Variants in TBCD observed in about 807,000 individuals in gnomAD.
The protein encoded by TBCD is tubulin folding cofactor D, also known as tubulin-specific chaperone D.
In TBCD, 105 loss-of-function variants were observed where a neutral mutation model predicts 169.3. The observed-to-expected ratio is 0.62, with a 90% confidence interval of 0.53 to 0.73. TBCD has a LOEUF of 0.73. Among genes scored for constraint, TBCD ranks in the 30% least tolerant of loss-of-function variants. The pLI is 0.00. For missense variants in TBCD, 1,444 were observed against 1,600.1 expected, an observed-to-expected ratio of 0.90 and a Z score of 1.66; for synonymous variants, 700 against 643.9, an observed-to-expected ratio of 1.09 and a Z score of -1.32.
chr17:82,832,593 T>G lies in TBCD; in HGVS notation c.1318+17659T>G. 1 of 779,418 alleles carries G rather than the reference T, an allele frequency of 1.3e-6. No homozygotes were observed. The highest frequency in any genetic ancestry group is 2.6e-5 in the East Asian group (1 of 37,830). 48.3% of individuals were successfully genotyped at this position (779,418 alleles called of 1,614,324 possible). Reference sequence around the variant, plus strand: ...ACTTCTATCAGAAGCCAGCTCTGCGTGCTGAGGGTCTGGCGAGAGCCTCCG... The same window carrying G: ...ACTTCTATCAGAAGCCAGCTCTGCGGGCTGAGGGTCTGGCGAGAGCCTCCG... On this transcript the variant is annotated intron_variant, in intron 13 of 38. Transcript: ENST00000355528. The surrounding 1 kb of genome is among the most constrained non-coding windows in gnomAD (Gnocchi z 4.9).
intron 8 of TBCD, among the ~76,000 whole-genome samples, chr17:82,798,488 G>C (rs557492271): frequency 1.2e-4 from 18 of 152,224 alleles, no homozygotes; most frequent in East Asian, 9.7e-4. Flanking sequence ...CACCATGTTG[G>C]CCAGGCTAGT....
chr17:82,755,646 A>G (rs1308755965), intron 1 of TBCD, among the ~76,000 whole-genome samples: 1 of 152,154 alleles, frequency 6.6e-6, no homozygotes, highest in Non-Finnish European at 1.5e-5. Context: ...CCTTAATATC[A>G]TGAGGCCTGA....
intron 26 of TBCD, 109 bp from the exon 27 acceptor site, chr17:82,924,830 C>T (rs1287650963): frequency 1.7e-5 from 14 of 827,356 alleles, no homozygotes; most frequent in Non-Finnish European, 2.4e-5. Context: ...CCTCAGGCGG[C>T]TCCTCCTTTG....
intron 13 of TBCD, among the ~76,000 whole-genome samples, chr17:82,853,576 C>CT (rs796846271): frequency 0.013 from 1,953 of 145,700 alleles, 17 homozygotes; most frequent in Non-Finnish European, 0.022. Flanking sequence ...CTCATTTTTT[C>CT]TTTTTTTTTT....
intron 13 of TBCD, among the ~76,000 whole-genome samples, chr17:82,816,534 C>A (rs1021497190): frequency 1.3e-5 from 2 of 151,784 alleles, no homozygotes; most frequent in African/African-American, 2.4e-5. Flanking sequence ...CCAACACTTG[C>A]TTTTATCTTT....
rs915631657 is a variant in TBCD, at chr17:82,874,781, GTGTGCCCT to G, written c.1475+4403_1475+4410del. On this transcript the variant is annotated intron_variant, in intron 14 of 38. Coordinates refer to ENST00000355528, the MANE Select transcript of TBCD (RefSeq NM_005993.5). The surrounding 1 kb of genome is among the most constrained non-coding windows in gnomAD (Gnocchi z 5.0). ...CCTGCGCACCCGGGTATCGGTTGGG[GTGTGCCCT>G]TCCAGATCTCCCTCCCTTGGTTTGT... is the stretch of plus-strand genomic sequence containing the variant. Among the ~76,000 whole-genome samples the G allele has an allele frequency of 2.0e-5, 3 of 152,224 alleles. No individual in the cohort carries two copies. Among genetic ancestry groups the G allele is most frequent in the Non-Finnish European group, 4.4e-5 (3 of 68,038 alleles).
In TBCD at chr17:82,922,398, G is replaced by A. The variant is rs925778012; in HGVS notation, c.2178+821G>A. 2.6e-5 allele frequency among the ~76,000 whole-genome samples: 4 copies of A among 151,854 alleles called. No homozygotes were observed. Among genetic ancestry groups the A allele is most frequent in the African/African-American group, 9.7e-5 (4 of 41,298 alleles). ...CAAAAACAAAAACAAAAAAAACCAT[G>A]GTTACCAACGTTGACTAGGTTTTGA... On this transcript the variant is annotated intron_variant, in intron 25 of 38. Transcript: ENST00000355528. This position sits in a 1 kb window ranked among gnomAD's most constrained non-coding sequence, Gnocchi z 4.1.
At chr17:82,759,181 A>T (rs1215735077) in intron 2 of TBCD, among the ~76,000 whole-genome samples, 1 of 151,996 alleles carries the variant, frequency 6.6e-6, no homozygotes. Flanking sequence ...TGCCTAGTTA[A>T]TTAAAAAACT....
rs538559039 is a variant in TBCD at position 82,923,528 on chromosome 17, C to G, written c.2179-124C>G. On this transcript the variant is annotated intron_variant, in intron 25 of 38. Coordinates refer to ENST00000355528, the MANE Select transcript of TBCD (RefSeq NM_005993.5). This position sits in a 1 kb window ranked among gnomAD's most constrained non-coding sequence, Gnocchi z 4.6. ...CTGGTCAGGCAGGGGCTGCTCTGAC[C>G]TCAGGGTGACCACGGTGTCCCTGGT... is the stretch of plus-strand genomic sequence containing the variant. 31 of 798,878 alleles carry G rather than the reference C, an allele frequency of 3.9e-5. No homozygotes were observed. In the African/African-American group the frequency reaches 4.0e-4, roughly 10 times the overall value. The allele number at this position is 798,878 out of a possible 1,614,324, so 49.5% of individuals were successfully genotyped here.
chr17:82,761,652 C>A (rs906825869), intron 2 of TBCD, among the ~76,000 whole-genome samples: 3 of 151,896 alleles, frequency 2.0e-5, no homozygotes, highest in African/African-American at 4.8e-5. Flanking sequence ...CCGGGACTTA[C>A]CATTGTTGGT....
Position 82,805,622 on chromosome 17 carries a change from C to G in TBCD, c.951-253C>G, listed in dbSNP as rs1381509932. ...ATCATCTGCCTTCTCTCCTGACTTT[C>G]CCTAATCAAAGCTGGACACTAGCTG... is the stretch of plus-strand genomic sequence containing the variant. On this transcript the variant is annotated intron_variant, in intron 9 of 38. Transcript: ENST00000355528. 2.0e-5 allele frequency among the ~76,000 whole-genome samples: 3 copies of G among 152,198 alleles called. No individual in the cohort carries two copies. The East Asian group carries it at 5.8e-4, about 29-fold the overall frequency.
At chr17:82,869,762 G>T (rs1049310193) in intron 13 of TBCD, among the ~76,000 whole-genome samples, 1 of 152,112 alleles carries the variant, frequency 6.6e-6, no homozygotes, top group African/African-American at 2.4e-5. Flanking sequence ...CCCCTGGGAC[G>T]CTCTGCCTTT....
chr17:82,850,128 T>TTGTTGGCGGCTGTGTTGTTGGCTG (rs1387384169), intron 13 of TBCD, among the ~76,000 whole-genome samples: 1 of 19,176 alleles, frequency 5.2e-5, no homozygotes, highest in African/African-American at 2.5e-4. Flanking sequence ...GTTGGCTGTG[T>TTGTTGGCGGCTGTGTTGTTGGCTG]TGTTGTTGGC....
In TBCD at chr17:82,917,024, C is replaced by CTTT. The variant is rs66678293; in HGVS notation, c.2039-3520_2039-3518dup. 4.8e-4 allele frequency among the ~76,000 whole-genome samples: 63 copies of CTTT among 130,886 alleles called. 1 individual carries two copies. The East Asian group carries it at 0.012, about 25-fold the overall frequency. The allele number at this position is 130,886 out of a possible 152,430, so 85.9% of individuals were successfully genotyped here. On this transcript the variant is annotated intron_variant, in intron 23 of 38. Coordinates refer to ENST00000355528, the MANE Select transcript of TBCD (RefSeq NM_005993.5). ...TGGACTTTTTTTTTTCTTTTCTTTT[C>CTTT]TTTTTTTTTTTTTTGAGTTGGAGTC...
rs58346723 is a variant in TBCD, at chr17:82,855,235, CTTTTTTTTTTTTTTTTTTT to C, written c.1319-14971_1319-14953del. Among the ~76,000 whole-genome samples, 92 of 54,034 alleles carry C rather than the reference CTTTTTTTTTTTTTTTTTTT, an allele frequency of 1.7e-3. 1 individual carries two copies. The highest frequency in any genetic ancestry group is 2.0e-3 in the East Asian group (3 of 1,530). The allele number at this position is 54,034 out of a possible 152,430, so 35.4% of individuals were successfully genotyped here. Reference sequence around the variant, plus strand: ...CCAGAGGGGCAGGGAAAGGTGTTTGCTTTTTTTTTTTTTTTTTTTTTTTTTTTTTTTTTTTTAATTTTTT... The same window carrying C: ...CCAGAGGGGCAGGGAAAGGTGTTTGCTTTTTTTTTTTTTTTTTAATTTTTT... On this transcript the variant is annotated intron_variant, in intron 13 of 38. Coordinates refer to ENST00000355528, the MANE Select transcript of TBCD (RefSeq NM_005993.5).
rs2061377593 is a variant in TBCD at position 82,920,808 on chromosome 17, C to A, written c.2101+190C>A. Among the ~76,000 whole-genome samples the A allele has an allele frequency of 6.6e-6, 1 of 152,134 alleles. No homozygotes were observed. The highest frequency in any genetic ancestry group is 2.4e-5 in the African/African-American group (1 of 41,438). Reference sequence around the variant, plus strand: ...TAATGGGTACCCACCGCCCTCTCCCCCCAACACAGGAGGGCCCTTCCCCGC... The same window carrying A: ...TAATGGGTACCCACCGCCCTCTCCCACCAACACAGGAGGGCCCTTCCCCGC... On this transcript the variant is annotated intron_variant, in intron 24 of 38. Transcript: ENST00000355528. The surrounding 1 kb of genome is among the most constrained non-coding windows in gnomAD (Gnocchi z 4.1).
At chr17:82,763,919 G>A (rs775399212) in intron 2 of TBCD, 46 bp from the exon 3 acceptor site, 11 of 1,548,058 alleles carry the variant, frequency 7.1e-6, no homozygotes, top group Non-Finnish European at 9.8e-6. Context: ...TCAATGTCAT[G>A]TTGATGTTCA....
chr17:82,941,549 C>A (rs2063264265), intron 38 of TBCD, 66 bp downstream of exon 38: 3 of 1,423,434 alleles, frequency 2.1e-6, no homozygotes, highest in Non-Finnish European at 2.9e-6. Context: ...GTTCTGGGGC[C>A]AGCGGCTGTG....
At chr17:82,910,765 C>T (rs911069902) in intron 22 of TBCD, among the ~76,000 whole-genome samples, 2 of 152,126 alleles carry the variant, frequency 1.3e-5, no homozygotes, top group African/African-American at 2.4e-5. Context: ...GGGGTTTCAC[C>T]ATGTTGGCCA....
Sources: gnomAD v4.1 joint callset for allele counts (sites outside exome capture counted in the v4.1 genomes callset) on GRCh38, gnomAD v4.1.1 for gene constraint, Gnocchi (gnomAD v3.1) non-coding constraint, MANE v1.5 for transcripts, NCBI Gene and HGNC (gene_info 2026-07-23, HGNC 2026-07-21) for gene names.